The following MCU variants were observed in gnomAD, a reference collection of about 807,000 sequenced individuals.
The protein encoded by MCU is mitochondrial calcium uniporter.
Under a neutral mutation model 45.2 loss-of-function variants are expected in MCU, and 12 were observed. The observed-to-expected ratio is 0.27, with a 90% CI of 0.17 to 0.43. MCU has a LOEUF of 0.43. Ranked by LOEUF, MCU falls within the 20% of genes least tolerant of loss-of-function variation. MCU has a pLI of 1.00. For synonymous variants in MCU, 160 were observed against 165.1 expected, an observed-to-expected ratio of 0.97 and a Z score of 0.24; for missense variants, 324 against 436.7, an observed-to-expected ratio of 0.74 and a Z score of 2.30.
chr10:72,746,514 A>G (rs556276425), intron 1 of MCU, among the ~76,000 whole-genome samples: 2 of 152,358 alleles, frequency 1.3e-5, no homozygotes, highest in East Asian at 1.9e-4. Flanking sequence ...AATTGTATCT[A>G]TTAGAACAGT....
chr10:72,871,012 C>T (rs1230466252), intron 5 of MCU, among the ~76,000 whole-genome samples: 2 of 152,130 alleles, frequency 1.3e-5, no homozygotes, highest in Non-Finnish European at 2.9e-5. Context: ...GCGATTCACC[C>T]ACCCCAGCCT....
intron 1 of MCU, among the ~76,000 whole-genome samples, chr10:72,712,037 A>G (rs1842901656): frequency 6.6e-6 from 1 of 151,658 alleles, no homozygotes; most frequent in Admixed American, 6.6e-5. Flanking sequence ...TAAAAAAAAA[A>G]ACCCAAAAAA....
intron 1 of MCU, among the ~76,000 whole-genome samples, chr10:72,718,673 A>G (rs1274599808): frequency 6.6e-6 from 1 of 152,210 alleles, no homozygotes; most frequent in Non-Finnish European, 1.5e-5. Flanking sequence ...ATCTATATTC[A>G]CCAAAAGACC....
At chr10:72,844,248 G>T (rs750293776) in intron 2 of MCU, among the ~76,000 whole-genome samples, 10 of 152,118 alleles carry the variant, frequency 6.6e-5, no homozygotes, top group Non-Finnish European at 1.5e-4. Context: ...TTAGCTGGGT[G>T]TGGTGGTGGG....
chr10:72,814,743 G>T (rs1327477838), intron 1 of MCU, among the ~76,000 whole-genome samples: 1 of 152,146 alleles, frequency 6.6e-6, no homozygotes, highest in East Asian at 1.9e-4. Context: ...AAAAGGAAGG[G>T]TTATATTATC....
intron 1 of MCU, among the ~76,000 whole-genome samples, chr10:72,734,955 C>T (rs1001783702): frequency 6.6e-6 from 1 of 151,568 alleles, no homozygotes; most frequent in African/African-American, 2.4e-5. Flanking sequence ...GGTGCATACC[C>T]GTAGTCCCAG....
intron 1 of MCU, among the ~76,000 whole-genome samples, chr10:72,829,134 A>T (rs1844840582): frequency 6.6e-6 from 1 of 152,150 alleles, no homozygotes; most frequent in South Asian, 2.1e-4. Flanking sequence ...CAGCCAGGCC[A>T]ACATGGTGAA....
chr10:72,813,806 AT>A (rs11312860), intron 1 of MCU, among the ~76,000 whole-genome samples: 85,921 of 150,216 alleles, frequency 0.57, 25,678 homozygotes, highest in Non-Finnish European at 0.67. Context: ...TATTTTTGTG[AT>A]TTTTTTTTTT....
chr10:72,864,715 A>G (rs1352985030), intron 4 of MCU, among the ~76,000 whole-genome samples: 1 of 152,158 alleles, frequency 6.6e-6, no homozygotes, highest in Non-Finnish European at 1.5e-5. Flanking sequence ...CCCCCGCCAC[A>G]TTGTTCAAGG....
chr10:72,862,516 A>G (rs1429311343), intron 4 of MCU, among the ~76,000 whole-genome samples: 1 of 152,182 alleles, frequency 6.6e-6, no homozygotes, highest in Non-Finnish European at 1.5e-5. Flanking sequence ...CTCAGGCATC[A>G]GTTAGATTCT....
chr10:72,818,103 C>T (rs1217130666), intron 1 of MCU, among the ~76,000 whole-genome samples: 1 of 152,156 alleles, frequency 6.6e-6, no homozygotes, highest in Non-Finnish European at 1.5e-5. Flanking sequence ...GAGTATAAAA[C>T]TTAAAAGGCT....
At chr10:72,844,068 T>C (rs1169838038) in intron 2 of MCU, among the ~76,000 whole-genome samples, 1 of 152,026 alleles carries the variant, frequency 6.6e-6, no homozygotes, top group African/African-American at 2.4e-5. Flanking sequence ...CCTAGGCAAC[T>C]TGGTAAAACC....
Position 72,743,091 on chromosome 10 carries a change from C to T in MCU, c.150+50790C>T, listed in dbSNP as rs182647001. Among the ~76,000 whole-genome samples the T allele has an allele frequency of 4.3e-3, 652 of 151,660 alleles. 4 individuals carry two copies. Among genetic ancestry groups the T allele is most frequent in the African/African-American group, 0.015 (618 of 41,316 alleles). The stretch of plus-strand genomic sequence containing the variant: ...TCATGTTGTATTTATGGCATTGCCC[C>T]GTCATTCACTGTCTCGAGAAAAGTG... On this transcript the variant is annotated intron_variant, in intron 1 of 7. Coordinates refer to ENST00000373053, the MANE Select transcript of MCU (RefSeq NM_138357.3).
rs538277999 is a variant in MCU, at chr10:72,859,078, T to C, written c.221-99T>C. 1.1e-4 allele frequency: 132 copies of C among 1,156,938 alleles called. No homozygotes were observed. The African/African-American group carries it at 2.0e-3, about 17-fold the overall frequency. The allele number at this position is 1,156,938 out of a possible 1,614,324, so 71.7% of individuals were successfully genotyped here. On this transcript the variant is annotated intron_variant, in intron 2 of 7. Coordinates refer to ENST00000373053, the MANE Select transcript of MCU (RefSeq NM_138357.3). ...AAACCTTCTTTGAAAACATTTTAAA[T>C]CACACTAATAATAGACCCCCATGCA...
chr10:72,697,624 C>A (rs1400158640), intron 1 of MCU, among the ~76,000 whole-genome samples: 1 of 151,524 alleles, frequency 6.6e-6, no homozygotes, highest in African/African-American at 2.4e-5. Flanking sequence ...TTAGTAGAGA[C>A]GGGGTTTCAC....
intron 1 of MCU, among the ~76,000 whole-genome samples, chr10:72,823,401 G>T (rs1161510625): frequency 2.0e-5 from 3 of 152,160 alleles, no homozygotes; most frequent in Non-Finnish European, 2.9e-5. Flanking sequence ...ACTTAGAATT[G>T]CTTGCTAAGA....
intron 1 of MCU, among the ~76,000 whole-genome samples, chr10:72,831,436 T>A (rs1844877411): frequency 6.6e-6 from 1 of 152,170 alleles, no homozygotes; most frequent in South Asian, 2.1e-4. Flanking sequence ...GATTTTTATA[T>A]GTTACAGTAT....
rs1203286543 is a variant in MCU at position 72,816,294 on chromosome 10, T to C, written c.151-18065T>C. Among the ~76,000 whole-genome samples the C allele has an allele frequency of 2.6e-5, 4 of 152,344 alleles. No individual in the cohort carries two copies. In the South Asian group the frequency reaches 8.3e-4, roughly 32 times the overall value. ...TCTTCAGCTATTTCAGTGAAAACTTTAAAATATTTTTTAAATAATACGTAG... is the reference window on the plus strand; with the variant it reads ...TCTTCAGCTATTTCAGTGAAAACTTCAAAATATTTTTTAAATAATACGTAG... On this transcript the variant is annotated intron_variant, in intron 1 of 7. Coordinates refer to ENST00000373053, the MANE Select transcript of MCU (RefSeq NM_138357.3).
intron 1 of MCU, among the ~76,000 whole-genome samples, chr10:72,743,885 T>C (rs1417460265): frequency 6.6e-6 from 1 of 152,164 alleles, no homozygotes; most frequent in African/African-American, 2.4e-5. Context: ...CAGCTGATTC[T>C]AAGAAGCTGA....
Sources: allele counts gnomAD v4.1 joint callset (sites outside exome capture counted in the v4.1 genomes callset), GRCh38; gene constraint gnomAD v4.1.1; transcripts MANE v1.5; gene names NCBI Gene and HGNC (gene_info 2026-07-23, HGNC 2026-07-21).